Variants in CFAP97 observed in about 807,000 individuals in gnomAD.
CFAP97 encodes the protein cilia and flagella associated protein 97, also known as cilia- and flagella-associated protein 97.
CFAP97 carries 36 observed loss-of-function variants against 43.1 expected under a neutral mutation model. The observed-to-expected ratio is 0.84, with a 90% confidence interval of 0.64 to 1.10. The LOEUF (loss-of-function observed/expected upper bound fraction) is 1.10, where lower values mean the gene tolerates loss of function less well. CFAP97 is among the 50% of genes least tolerant of loss of function. The pLI is 0.00. For missense variants in CFAP97, 657 were observed against 620.3 expected (o/e 1.06, Z -0.63); for synonymous variants, 228 against 225.7 (o/e 1.01, Z -0.09).
chr4:185,204,204 C>A (rs569774210), upstream of CFAP97: 1 of 152,316 alleles, frequency 6.6e-6, no homozygotes, highest in South Asian at 2.1e-4. Context: ...GTCCAGCCCG[C>A]GTGGTTGCCA....
intron 2 of CFAP97, among the ~76,000 whole-genome samples, chr4:185,186,159 G>A (rs375429362): frequency 4.9e-4 from 75 of 152,254 alleles, no homozygotes; most frequent in African/African-American, 1.7e-3. Flanking sequence ...TGGGCCAGGC[G>A]AGGTGGTACA....
In CFAP97 at chr4:185,161,469, GA is replaced by G. The variant is rs1188228745; in HGVS notation, c.*1328del. 1 of 152,094 alleles carries G rather than the reference GA, an allele frequency of 6.6e-6. No homozygotes were observed. The highest frequency in any genetic ancestry group is 1.5e-5 in the Non-Finnish European group (1 of 68,016). 9.4% of individuals were successfully genotyped at this position (152,094 alleles called of 1,614,324 possible). A position where few individuals can be genotyped will look rare whatever the true frequency, so the allele number is the denominator to read the frequency against. ...TGGCTACAGATCAAAAATTCATACTGAAAAAGATATTTGTCATTTAACATGG... is the reference window on the plus strand; with the variant it reads ...TGGCTACAGATCAAAAATTCATACTGAAAAGATATTTGTCATTTAACATGG... On this transcript the variant is annotated 3_prime_UTR_variant, in exon 5 of 5. Coordinates refer to ENST00000458385, the MANE Select transcript of CFAP97 (RefSeq NM_020827.3).
chr4:185,187,269 C>G (rs1736041771), intron 2 of CFAP97, among the ~76,000 whole-genome samples: 1 of 152,130 alleles, frequency 6.6e-6, no homozygotes, highest in Non-Finnish European at 1.5e-5. Flanking sequence ...TGTTTCCTAA[C>G]CAGCACAGCT....
At chr4:185,180,986 C>T (rs2111358480) in intron 2 of CFAP97, among the ~76,000 whole-genome samples, 1 of 152,032 alleles carries the variant, frequency 6.6e-6, no homozygotes, top group East Asian at 1.9e-4. Context: ...AATAATAAAC[C>T]AATTATATGT....
chr4:185,210,039 C>T, upstream of CFAP97: 1 of 983,792 alleles, frequency 1.0e-6, no homozygotes, highest in Non-Finnish European at 1.2e-6. The surrounding 1 kb of genome is among the most constrained non-coding windows in gnomAD (Gnocchi z 4.4). Context: ...CCGTGGCCCT[C>T]TCCTTCCTGG....
chr4:185,162,459 T>C lies in CFAP97; in HGVS notation c.*339A>G. On this transcript the variant is annotated 3_prime_UTR_variant, in exon 5 of 5. Coordinates refer to ENST00000458385, the MANE Select transcript of CFAP97 (RefSeq NM_020827.3). ...TATAAAGAAATGAAAATAACACAAA[T>C]TGAAAACTATAGTGACCATCTTGGG... is the stretch of plus-strand genomic sequence containing the variant. The C allele has an allele frequency of 4.9e-6, 1 of 205,414 alleles. No individual in the cohort carries two copies. The highest frequency in any genetic ancestry group is 3.7e-5 in the African/African-American group (1 of 26,922). 12.7% of individuals were successfully genotyped at this position (205,414 alleles called of 1,614,324 possible).
chr4:185,181,320 CTTTTTT>C, intron 2 of CFAP97, among the ~76,000 whole-genome samples: 1 of 99,212 alleles, frequency 1.0e-5, no homozygotes, highest in Non-Finnish European at 1.9e-5. Flanking sequence ...CATAATCATA[CTTTTTT>C]TTTTTTTTTT....
At chr4:185,166,010 C>G (rs1271947526) in intron 3 of CFAP97, among the ~76,000 whole-genome samples, 1 of 152,130 alleles carries the variant, frequency 6.6e-6, no homozygotes, top group East Asian at 1.9e-4. Context: ...ACATGAAGAA[C>G]CGGACAGAAC....
At chr4:185,169,640 G>A in intron 3 of CFAP97, 6 of 984,856 alleles carry the variant, frequency 6.1e-6, no homozygotes, top group Non-Finnish European at 7.2e-6. Context: ...CCCATCTTTT[G>A]ATGTTTAAAC....
intron 3 of CFAP97, chr4:185,170,042 A>G (rs1455736286): frequency 1.7e-6 from 2 of 1,177,594 alleles, no homozygotes; most frequent in Non-Finnish European, 2.1e-6. Context: ...TATTCCACAT[A>G]AGAGTTCTGA....
intron 2 of CFAP97, among the ~76,000 whole-genome samples, chr4:185,189,924 A>C (rs912153308): frequency 6.6e-6 from 1 of 152,248 alleles, no homozygotes; most frequent in African/African-American, 2.4e-5. Context: ...ACTAAAATAA[A>C]ATTTGTATTA....
At chr4:185,179,305 T>C (rs4862517) in intron 2 of CFAP97, among the ~76,000 whole-genome samples, 70,060 of 151,958 alleles carry the variant, frequency 0.46, 16,218 homozygotes, top group Middle Eastern at 0.56. Flanking sequence ...GATTTTAAGA[T>C]ATAAAATCTT....
chr4:185,194,711 A>C (rs542941346), intron 1 of CFAP97, among the ~76,000 whole-genome samples: 5 of 152,300 alleles, frequency 3.3e-5, no homozygotes, highest in Non-Finnish European at 7.3e-5. Context: ...CTTGATTTAG[A>C]TGATGTATGA....
In CFAP97 at chr4:185,192,940, C is replaced by T. The variant is rs1039783367; in HGVS notation, c.-16-1728G>A. On this transcript the variant is annotated intron_variant, in intron 1 of 4. Coordinates refer to ENST00000458385, the MANE Select transcript of CFAP97 (RefSeq NM_020827.3). The stretch of plus-strand genomic sequence containing the variant: ...TAGTTTTAGTAGAGACGGGGTTTCA[C>T]CGTGTTATCCAGGATGGCCTGGATC... Among the ~76,000 whole-genome samples the T allele has an allele frequency of 3.9e-5, 6 of 152,156 alleles. No homozygotes were observed. The Middle Eastern group carries it at 0.01, about 259-fold the overall frequency.
chr4:185,199,242 T>C (rs1736706718), intron 1 of CFAP97, among the ~76,000 whole-genome samples: 1 of 152,146 alleles, frequency 6.6e-6, no homozygotes, highest in African/African-American at 2.4e-5. Context: ...AGTAGTGGCA[T>C]GTACCTGTTA....
chr4:185,190,598 G>C lies in CFAP97; in HGVS notation c.599C>G (p.Ser200Trp). The change falls in exon 2 of 5, where the codon TCG becomes TGG. Residue 200 changes from serine to tryptophan, a missense_variant. Physicochemically the swap from Ser to Trp is radical, Grantham distance 177. Coordinates refer to ENST00000458385, the MANE Select transcript of CFAP97 (RefSeq NM_020827.3). Reference sequence around the variant, plus strand: ...CTTAGATGACTTAGATGACGGAGACGAATCAGATAGATGGCTATCAGACCC... The same window carrying C: ...CTTAGATGACTTAGATGACGGAGACCAATCAGATAGATGGCTATCAGACCC... ...DAGSDSHLSD[S>W]SPSSKSSKKH... 1 of 1,610,414 alleles carries C rather than the reference G, an allele frequency of 6.2e-7. No homozygotes were observed. Among genetic ancestry groups the C allele is most frequent in the Non-Finnish European group, 8.5e-7 (1 of 1,178,060 alleles).
intron 1 of CFAP97, 108 bp from the exon 2 acceptor site, chr4:185,191,320 A>G (rs1736247006): frequency 1.3e-6 from 1 of 751,946 alleles, no homozygotes; most frequent in East Asian, 3.0e-5. Flanking sequence ...TTTAATATAT[A>G]AAAAGAAACA....
In CFAP97 at chr4:185,191,085, C is replaced by G. The variant is rs374312540; in HGVS notation, c.112G>C (p.Asp38His). 9 of 1,612,842 alleles carry G rather than the reference C, an allele frequency of 5.6e-6. No homozygotes were observed. In the Admixed American group the frequency reaches 1.2e-4, roughly 21 times the overall value. ...TTATCTATTCTTTCCTTTGGGTCATCATTTTGCTTGTCAAAAACTGAGTTA... is the reference window on the plus strand; with the variant it reads ...TTATCTATTCTTTCCTTTGGGTCATGATTTTGCTTGTCAAAAACTGAGTTA... ...ETNSVFDKQNDDPKERIDKDT... is the reference protein window; with the variant it reads ...ETNSVFDKQNHDPKERIDKDT... The change falls in exon 2 of 5, where the codon GAT (aspartate) becomes CAT (histidine). Residue 38 changes from aspartate (D) to histidine (H), a missense_variant. Coordinates refer to ENST00000458385, the MANE Select transcript of CFAP97 (RefSeq NM_020827.3).
chr4:185,164,328 C>T, intron 3 of CFAP97, 149 bp from the exon 4 acceptor site: 1 of 804,788 alleles, frequency 1.2e-6, no homozygotes, highest in Non-Finnish European at 1.9e-6. Flanking sequence ...GCCTGGAACT[C>T]CTGGGCTTAA....
Sources: allele counts gnomAD v4.1 joint callset (sites outside exome capture counted in the v4.1 genomes callset), GRCh38; gene constraint gnomAD v4.1.1; non-coding constraint Gnocchi (gnomAD v3.1); transcripts MANE v1.5; gene names NCBI Gene and HGNC (gene_info 2026-07-23, HGNC 2026-07-21).